The following NBEA variants were observed in gnomAD, a reference collection of about 807,000 sequenced individuals.
The protein encoded by NBEA is lysosomal-trafficking regulator 2.
Under a neutral mutation model 343.4 loss-of-function variants are expected in NBEA, and 44 were observed. The observed-to-expected ratio is 0.13, with a 90% confidence interval of 0.10 to 0.16. The LOEUF is 0.16. Among genes scored for constraint, NBEA ranks in the 10% least tolerant of loss-of-function variants. NBEA has a pLI of 1.00. For missense variants in NBEA, 2,555 were observed against 3,631.3 expected, an observed-to-expected ratio of 0.70 and a Z score of 7.62; for synonymous variants, 1,175 against 1,238.7, an observed-to-expected ratio of 0.95 and a Z score of 1.08.
chr13:35,074,278 C>G (rs984517486), intron 10 of NBEA, among the ~76,000 whole-genome samples: 7 of 151,938 alleles, frequency 4.6e-5, no homozygotes, highest in African/African-American at 1.7e-4. Context: ...AGTACATATT[C>G]TTATTGAGTA....
chr13:35,145,662 A>G (rs1420143487), intron 18 of NBEA, among the ~76,000 whole-genome samples: 1 of 152,234 alleles, frequency 6.6e-6, no homozygotes. Context: ...TTCGCTCAAA[A>G]GCAAACAAAT....
chr13:35,248,296 T>G (rs1422220445), intron 34 of NBEA, among the ~76,000 whole-genome samples: 1 of 152,170 alleles, frequency 6.6e-6, no homozygotes, highest in Non-Finnish European at 1.5e-5. Flanking sequence ...GCAAGGATGG[T>G]TCAGCATATA....
At position 35,110,397 on chromosome 13, in the gene NBEA, C is replaced by CA. The variant is rs145122216; in HGVS notation, c.1834-408dup. ...TTGCATGAACTTTTAGGATATATGA[C>CA]AAAAATATGTATGTTTTCAGATATG... On this transcript the variant is annotated intron_variant, in intron 12 of 58. Coordinates refer to ENST00000379939, the MANE Select transcript of NBEA (RefSeq NM_001385012.1). Among the ~76,000 whole-genome samples the CA allele has an allele frequency of 6.6e-3, 1,002 of 152,008 alleles. 11 individuals carry two copies. Among genetic ancestry groups the CA allele is most frequent in the African/African-American group, 0.023 (960 of 41,462 alleles).
At chr13:35,110,725 A>T in intron 12 of NBEA, 85 bp from the exon 13 acceptor site, 23 of 1,122,550 alleles carry the variant, frequency 2.0e-5, no homozygotes, top group Non-Finnish European at 2.8e-5. Flanking sequence ...ACTAATTCAC[A>T]TTTAAATTAA....
intron 1 of NBEA, among the ~76,000 whole-genome samples, chr13:35,023,412 T>C (rs751164043): frequency 9.9e-4 from 151 of 152,322 alleles, no homozygotes; most frequent in Non-Finnish European, 1.9e-3. Flanking sequence ...AGGGCTTTCA[T>C]ACTTTTTTCA....
At chr13:35,211,238 CA>C in intron 33 of NBEA, 59 bp downstream of exon 33, 1 of 1,291,870 alleles carries the variant, frequency 7.7e-7, no homozygotes, top group Non-Finnish European at 1.1e-6. Context: ...AAACAGTACA[CA>C]AAAATACAAA....
At chr13:35,061,630 G>A (rs2152569028) in intron 8 of NBEA, among the ~76,000 whole-genome samples, 1 of 151,756 alleles carries the variant, frequency 6.6e-6, no homozygotes, top group East Asian at 1.9e-4. Flanking sequence ...CTTCATTTAT[G>A]AATATGATAA....
At position 35,403,921 on chromosome 13, in the gene NBEA, A is replaced by C. The variant is rs1306177805; in HGVS notation, c.6180-28348A>C. 1.7e-4 allele frequency among the ~76,000 whole-genome samples: 26 copies of C among 150,912 alleles called. No homozygotes were observed. The South Asian group carries it at 2.7e-3, about 16-fold the overall frequency. Reference sequence around the variant, plus strand: ...AACAAATTTACAAGAAAAAAACAACACCATCAAAAAGTGGGCGAAGGACAT... The same window carrying C: ...AACAAATTTACAAGAAAAAAACAACCCCATCAAAAAGTGGGCGAAGGACAT... On this transcript the variant is annotated intron_variant, in intron 38 of 58. Coordinates refer to ENST00000379939, the MANE Select transcript of NBEA (RefSeq NM_001385012.1).
chr13:35,544,374 T>TA (rs1254893802), intron 41 of NBEA, among the ~76,000 whole-genome samples: 2 of 152,198 alleles, frequency 1.3e-5, no homozygotes, highest in African/African-American at 4.8e-5. Context: ...AAACAAGTAT[T>TA]TTTTTAAGTT....
chr13:35,452,034 C>G, intron 39 of NBEA, 58 bp from the exon 40 acceptor site: 1 of 1,196,698 alleles, frequency 8.4e-7, no homozygotes, highest in Non-Finnish European at 1.2e-6. Context: ...TTTATAATAC[C>G]TACTATAAGC....
chr13:35,576,885 AT>A (rs1198825027), intron 45 of NBEA, among the ~76,000 whole-genome samples: 3 of 152,308 alleles, frequency 2.0e-5, no homozygotes, highest in Non-Finnish European at 4.4e-5. Context: ...TTTGTTTGAC[AT>A]TTTAACAATT....
At position 35,639,956 on chromosome 13, in the gene NBEA, CAAAAA is replaced by C. The variant is rs1256138156; in HGVS notation, c.7618-5898_7618-5894del. Among the ~76,000 whole-genome samples the C allele has an allele frequency of 4.7e-5, 3 of 63,310 alleles. No individual in the cohort carries two copies. The Admixed American group carries it at 5.3e-4, about 11-fold the overall frequency. 41.5% of individuals were successfully genotyped at this position (63,310 alleles called of 152,430 possible). A position where few individuals can be genotyped will look rare whatever the true frequency, so the allele number is the denominator to read the frequency against. Reference sequence around the variant, plus strand: ...AAAGATAATACTGAATTACATTTACCAAAAAAAAAAAAAAAAAAAGCAGTTGTAAT... The same window carrying C: ...AAAGATAATACTGAATTACATTTACCAAAAAAAAAAAAAAGCAGTTGTAAT... On this transcript the variant is annotated intron_variant, in intron 49 of 58. Transcript: ENST00000379939.
intron 1 of NBEA, among the ~76,000 whole-genome samples, chr13:34,952,322 A>G (rs920724394): frequency 6.6e-6 from 1 of 152,222 alleles, no homozygotes; most frequent in Non-Finnish European, 1.5e-5. Context: ...GAAATTAAAA[A>G]TGAATGCAGG....
chr13:35,585,813 C>T (rs1321795918), intron 46 of NBEA, among the ~76,000 whole-genome samples: 1 of 152,206 alleles, frequency 6.6e-6, no homozygotes, highest in African/African-American at 2.4e-5. Flanking sequence ...TAGATATTTT[C>T]TCTGTCTTTC....
At chr13:35,158,168 G>A (rs999191137) in intron 21 of NBEA, among the ~76,000 whole-genome samples, 16 of 151,798 alleles carry the variant, frequency 1.1e-4, no homozygotes, top group African/African-American at 3.6e-4. Context: ...CCCACTTTTG[G>A]GACTTGCTTT....
chr13:35,624,165 A>G (rs555956585), intron 48 of NBEA, among the ~76,000 whole-genome samples: 1 of 152,060 alleles, frequency 6.6e-6, no homozygotes, highest in East Asian at 1.9e-4. Context: ...GCTGTTTTAC[A>G]TAGTTCTTAA....
At chr13:35,160,066 A>G in intron 22 of NBEA, 34 bp downstream of exon 22, 4 of 1,480,250 alleles carry the variant, frequency 2.7e-6, no homozygotes, top group Non-Finnish European at 3.6e-6. Flanking sequence ...AGAAATAAAT[A>G]AAAATGCATT....
chr13:35,080,401 C>T (rs926991421), intron 10 of NBEA, among the ~76,000 whole-genome samples: 30 of 152,050 alleles, frequency 2.0e-4, no homozygotes, highest in African/African-American at 6.5e-4. Flanking sequence ...TGGGGTCTTA[C>T]GTATCTGATG....
chr13:35,557,410 A>G (rs1443190090), intron 44 of NBEA, among the ~76,000 whole-genome samples: 2 of 152,178 alleles, frequency 1.3e-5, no homozygotes, highest in African/African-American at 2.4e-5. Context: ...CATGCCTTCT[A>G]AAAGTTACAC....
Sources: gnomAD v4.1 joint callset for allele counts (sites outside exome capture counted in the v4.1 genomes callset) on GRCh38, gnomAD v4.1.1 for gene constraint, MANE v1.5 for transcripts, NCBI Gene and HGNC (gene_info 2026-07-23, HGNC 2026-07-21) for gene names.